Variants in PKP2 observed in about 807,000 individuals in gnomAD.
The protein encoded by PKP2 is plakophilin-2.
A neutral mutation model predicts 83.4 loss-of-function variants in PKP2; 73 were observed. That is an observed-to-expected ratio of 0.88 (90% confidence interval 0.72 to 1.06). The LOEUF (loss-of-function observed/expected upper bound fraction) is 1.06, where lower values mean the gene tolerates loss of function less well. PKP2 is among the 50% of genes least tolerant of loss of function. The pLI is 0.00. For synonymous variants in PKP2, 409 were observed against 430.4 expected, an observed-to-expected ratio of 0.95 and a Z score of 0.62; for missense variants, 966 against 1,065.4, an observed-to-expected ratio of 0.91 and a Z score of 1.30.
intron 9 of PKP2, among the ~76,000 whole-genome samples, chr12:32,804,297 C>CT (rs1367101707): frequency 1.3e-5 from 2 of 152,124 alleles, no homozygotes; most frequent in Admixed American, 1.3e-4. Context: ...TTAACAATGG[C>CT]TTTTTTTCCT....
At chr12:32,853,071 G>A (rs1338909741) in intron 4 of PKP2, among the ~76,000 whole-genome samples, 2 of 152,084 alleles carry the variant, frequency 1.3e-5, no homozygotes, top group African/African-American at 2.4e-5. Flanking sequence ...GCAACAGTGT[G>A]AGACTCCATC....
chr12:32,887,493 G>T (rs759479396), intron 1 of PKP2, among the ~76,000 whole-genome samples: 2 of 152,052 alleles, frequency 1.3e-5, no homozygotes, highest in African/African-American at 2.4e-5. Flanking sequence ...TTGCTCTGTC[G>T]CCCAGGCTGA....
intron 3 of PKP2, among the ~76,000 whole-genome samples, chr12:32,876,508 C>G (rs1047505332): frequency 3.3e-5 from 5 of 152,098 alleles, no homozygotes; most frequent in African/African-American, 1.2e-4. Flanking sequence ...CTTTTTCCTC[C>G]ATAAACAATG....
At chr12:32,848,077 T>C (rs1315899307) in intron 5 of PKP2, among the ~76,000 whole-genome samples, 1 of 152,198 alleles carries the variant, frequency 6.6e-6, no homozygotes, top group Non-Finnish European at 1.5e-5. Context: ...ATACAAATCA[T>C]GGATATGAAA....
At position 32,896,509 on chromosome 12, in the gene PKP2, C is replaced by A; in HGVS notation, c.223G>T (p.Gly75Ter). ...CCGGGGAGCGGCGGGCTCCACTCAC[C>A]GTTGCCCACGGAGCTGCGGCCCTTC... Reference protein sequence around the residue: ...ARKGRSSVGNGNLHRTSSVPE... With the variant: ...ARKGRSSVGN Residue 75 changes from glycine (G) to a stop codon, truncating the protein, a stop_gained and splice_region_variant, in exon 1 of 13, where the codon GGA (glycine) becomes TGA (stop). Coordinates refer to ENST00000340811, the MANE Select transcript of PKP2 (RefSeq NM_001005242.3). LOFTEE classifies it high-confidence loss of function. 1 of 1,517,314 alleles carries A rather than the reference C, an allele frequency of 6.6e-7. No individual in the cohort carries two copies. Among genetic ancestry groups the A allele is most frequent in the Non-Finnish European group, 8.8e-7 (1 of 1,135,952 alleles). The allele number at this position is 1,517,314 out of a possible 1,614,324, so 94.0% of individuals were successfully genotyped here. A position where few individuals can be genotyped will look rare whatever the true frequency, so the allele number is the denominator to read the frequency against.
rs1956074131 is a variant in PKP2 at position 32,792,196 on chromosome 12, G to A, written c.*228C>T. On this transcript the variant is annotated 3_prime_UTR_variant, in exon 13 of 13. Coordinates refer to ENST00000340811, the MANE Select transcript of PKP2 (RefSeq NM_001005242.3). The stretch of plus-strand genomic sequence containing the variant: ...ATGTACCATAAGCCCTAATAACAAA[G>A]ACCACTATTTGTCGAGCCTGTGGCC... 3 of 574,472 alleles carry A rather than the reference G, an allele frequency of 5.2e-6. No homozygotes were observed. Among genetic ancestry groups the A allele is most frequent in the Non-Finnish European group, 9.3e-6 (3 of 321,584 alleles). 35.6% of individuals were successfully genotyped at this position (574,472 alleles called of 1,614,324 possible). A position where few individuals can be genotyped will look rare whatever the true frequency, so the allele number is the denominator to read the frequency against.
intron 7 of PKP2, among the ~76,000 whole-genome samples, chr12:32,823,758 G>A (rs1345076405): frequency 2.0e-5 from 3 of 151,814 alleles, no homozygotes; most frequent in Non-Finnish European, 4.4e-5. Context: ...CCGCCACCAC[G>A]CCCGGCTATA....
intron 6 of PKP2, among the ~76,000 whole-genome samples, chr12:32,831,106 A>G (rs1337226227): frequency 6.6e-6 from 1 of 152,216 alleles, no homozygotes; most frequent in Non-Finnish European, 1.5e-5. Context: ...TAATTTTAAA[A>G]ATATACCTAA....
At chr12:32,811,571 G>A (rs7962334) in intron 9 of PKP2, among the ~76,000 whole-genome samples, 105,970 of 152,064 alleles carry the variant, frequency 0.7, 38,814 homozygotes, top group East Asian at 0.86. Flanking sequence ...TTCATCATTG[G>A]CCTTTGTTTC....
At chr12:32,893,192 C>T (rs965390592) in intron 1 of PKP2, 1 of 152,244 alleles carries the variant, frequency 6.6e-6, no homozygotes. Flanking sequence ...CTCATCTCTG[C>T]TTTCAGCAGG....
Position 32,850,768 on chromosome 12 carries a change from G to A in PKP2, c.1376C>T (p.Thr459Ile), listed in dbSNP as rs752832849. ...TRDLETKKQI[T>I]GLLWNLSSND... is the part of the protein sequence containing the mutation. ...CTTCAATGTTCAGTAAGCACTACCT[G>A]TTATTTGTTTTTTAGTCTCCAAGTC... The change falls in exon 5 of 13, where the codon ACA (threonine) becomes ATA (isoleucine). Residue 459 changes from threonine (T) to isoleucine (I), a missense_variant and splice_region_variant. Physicochemically the swap from Thr to Ile is moderately conservative, Grantham distance 89 (BLOSUM62 -1). Transcript: ENST00000340811. 9 of 1,610,882 alleles carry A rather than the reference G, an allele frequency of 5.6e-6. No homozygotes were observed. Among genetic ancestry groups the A allele is most frequent in the Non-Finnish European group, 7.6e-6 (9 of 1,178,574 alleles).
chr12:32,883,563 C>T (rs1259632084), intron 1 of PKP2, among the ~76,000 whole-genome samples: 1 of 152,188 alleles, frequency 6.6e-6, no homozygotes, highest in African/African-American at 2.4e-5. Context: ...CACAAAGGTG[C>T]ATCCAGCTTT....
intron 4 of PKP2, among the ~76,000 whole-genome samples, chr12:32,857,267 T>C (rs928941611): frequency 1.4e-4 from 21 of 151,710 alleles, no homozygotes; most frequent in Admixed American, 1.1e-3. Flanking sequence ...GCACAAAAAA[T>C]GTTTAAAAAT....
At chr12:32,798,235 C>T (rs529667833) in intron 10 of PKP2, among the ~76,000 whole-genome samples, 1 of 150,892 alleles carries the variant, frequency 6.6e-6, no homozygotes, top group African/African-American at 2.4e-5. Flanking sequence ...CAGGTACGCA[C>T]CACCATGCCC....
At chr12:32,868,650 G>A (rs1052579809) in intron 4 of PKP2, among the ~76,000 whole-genome samples, 6 of 152,058 alleles carry the variant, frequency 3.9e-5, no homozygotes, top group African/African-American at 1.4e-4. Flanking sequence ...AGCCTCTCGA[G>A]TAGCTGGGAT....
rs1026698023 is a variant in PKP2, at chr12:32,872,534, C to CA, written c.1035-3473dup. ...GGGCAACAAGAGTGAAAGTCTGTCTCAAAAAAAAACAAAACAAAACAACCC... is the reference window on the plus strand; with the variant it reads ...GGGCAACAAGAGTGAAAGTCTGTCTCAAAAAAAAAACAAAACAAAACAACCC... On this transcript the variant is annotated intron_variant, in intron 3 of 12. Transcript: ENST00000340811. 1.7e-3 allele frequency among the ~76,000 whole-genome samples: 257 copies of CA among 149,662 alleles called. 1 individual carries two copies. Among genetic ancestry groups the CA allele is most frequent in the African/African-American group, 4.1e-3 (167 of 40,702 alleles).
At chr12:32,799,413 A>G (rs982010857) in intron 10 of PKP2, among the ~76,000 whole-genome samples, 3 of 152,248 alleles carry the variant, frequency 2.0e-5, no homozygotes, top group African/African-American at 7.2e-5. Flanking sequence ...CTACCATTTG[A>G]TCCAGCAATA....
intron 5 of PKP2, among the ~76,000 whole-genome samples, chr12:32,849,083 T>C (rs956397981): frequency 4.0e-5 from 6 of 151,452 alleles, no homozygotes; most frequent in African/African-American, 9.7e-5. Context: ...AATTGAGATA[T>C]AGCACCTGAT....
At chr12:32,840,903 TAAACAAACCATC>T in intron 6 of PKP2, 113 bp downstream of exon 6, 2 of 752,102 alleles carry the variant, frequency 2.7e-6, no homozygotes, top group Non-Finnish European at 4.6e-6. Flanking sequence ...ATAAATAAAA[TAAACAAACCATC>T]AAACAAACTG....
Sources: gnomAD v4.1 joint callset for allele counts (sites outside exome capture counted in the v4.1 genomes callset) on GRCh38, gnomAD v4.1.1 for gene constraint, MANE v1.5 for transcripts, NCBI Gene and HGNC (gene_info 2026-07-23, HGNC 2026-07-21) for gene names.